Variants in ZNF385B observed in about 807,000 individuals in gnomAD.
ZNF385B encodes the protein zinc finger protein 385B.
ZNF385B carries 23 observed loss-of-function variants against 39.2 expected under a neutral mutation model. That is an observed-to-expected ratio of 0.59 (90% CI 0.42 to 0.83). The LOEUF (loss-of-function observed/expected upper bound fraction) is 0.83, where lower values mean the gene tolerates loss of function less well. Among genes scored for constraint, ZNF385B ranks in the 40% least tolerant of loss-of-function variants. The pLI, the probability that ZNF385B is intolerant of heterozygous loss-of-function variation, is 0.00. For missense variants in ZNF385B, 552 were observed against 598.9 expected (o/e 0.92, Z 0.82); for synonymous variants, 205 against 222.6 (o/e 0.92, Z 0.70).
At chr2:179,453,977 TA>T (rs2050417947) in intron 6 of ZNF385B, among the ~76,000 whole-genome samples, 1 of 152,170 alleles carries the variant, frequency 6.6e-6, no homozygotes, top group Non-Finnish European at 1.5e-5. Context: ...TTCCTCCTCT[TA>T]TCCCTAACAA....
chr2:179,784,623 C>T (rs1704879586), intron 1 of ZNF385B, among the ~76,000 whole-genome samples: 1 of 151,798 alleles, frequency 6.6e-6, no homozygotes, highest in South Asian at 2.1e-4. Context: ...GCAGAAAACC[C>T]AACAGAAAAA....
intron 3 of ZNF385B, among the ~76,000 whole-genome samples, chr2:179,690,146 G>A (rs1698244971): frequency 6.6e-6 from 1 of 152,016 alleles, no homozygotes; most frequent in Admixed American, 6.6e-5. Context: ...GATAGACCCA[G>A]GTAAGATGAT....
intron 3 of ZNF385B, among the ~76,000 whole-genome samples, chr2:179,688,497 A>AACAACAACAACAACG (rs1698099832): frequency 6.7e-6 from 1 of 149,952 alleles, no homozygotes; most frequent in African/African-American, 2.5e-5. Context: ...GCAAAACAAC[A>AACAACAACAACAACG]ACAACAACAA....
chr2:179,828,181 G>T (rs1268982916), intron 1 of ZNF385B, among the ~76,000 whole-genome samples: 2 of 152,064 alleles, frequency 1.3e-5, no homozygotes, highest in African/African-American at 4.8e-5. Flanking sequence ...CTTGTGTTTG[G>T]TGGAACATAG....
At chr2:179,749,915 AT>A (rs1473864034) in intron 3 of ZNF385B, among the ~76,000 whole-genome samples, 1 of 152,156 alleles carries the variant, frequency 6.6e-6, no homozygotes, top group African/African-American at 2.4e-5. Flanking sequence ...ATTCAGAAGC[AT>A]TCTTAAAGAA....
At chr2:179,755,754 C>A (rs940866280) in intron 3 of ZNF385B, among the ~76,000 whole-genome samples, 16 of 152,268 alleles carry the variant, frequency 1.1e-4, no homozygotes, top group Admixed American at 9.2e-4. Flanking sequence ...AGGATTGCAA[C>A]CCCTGCCTTT....
intron 6 of ZNF385B, among the ~76,000 whole-genome samples, chr2:179,459,751 T>C (rs1460991005): frequency 6.6e-6 from 1 of 150,818 alleles, no homozygotes; most frequent in East Asian, 1.9e-4. Flanking sequence ...ATGTAATAAA[T>C]ATCAAAGCAC....
At position 179,443,336 on chromosome 2, in the gene ZNF385B, C is replaced by G; in HGVS notation, c.1375G>C (p.Ala459Pro). 1 of 1,612,294 alleles carries G rather than the reference C, an allele frequency of 6.2e-7. No individual in the cohort carries two copies. The highest frequency in any genetic ancestry group is 8.5e-7 in the Non-Finnish European group (1 of 1,179,346). The change falls in exon 10 of 10, where the codon GCT becomes CCT. Residue 459 changes from alanine (A) to proline (P), a missense_variant. By Grantham distance (27) the Ala-to-Pro change is conservative. Coordinates refer to ENST00000410066, the MANE Select transcript of ZNF385B (RefSeq NM_152520.6). Reference protein sequence around the residue: ...PPRPSASLFQAPAIPPALLRP... With the variant: ...PPRPSASLFQPPAIPPALLRP... ...AGAAGAGCTGGAGGAATGGCTGGAG[C>G]CTGGAAGAGCGAGGCAGAGGGCCGG...
intron 3 of ZNF385B, among the ~76,000 whole-genome samples, chr2:179,763,760 T>A (rs554320434): frequency 9.9e-5 from 15 of 152,208 alleles, no homozygotes; most frequent in South Asian, 4.1e-4. Context: ...TTAAGAGATA[T>A]ATTGTTTAAT....
intron 1 of ZNF385B, among the ~76,000 whole-genome samples, chr2:179,777,769 G>GTTTTTTTTTTTTTTTTT (rs71029831): frequency 2.1e-5 from 3 of 143,712 alleles, no homozygotes; most frequent in Non-Finnish European, 4.5e-5. Flanking sequence ...ATATCAAGAG[G>GTTTTTTTTTTTTTTTTT]TTTTTTTTTT....
chr2:179,726,895 T>C (rs1461281167), intron 3 of ZNF385B, among the ~76,000 whole-genome samples: 14 of 152,120 alleles, frequency 9.2e-5, no homozygotes, highest in Non-Finnish European at 2.1e-4. Context: ...AGATGTTAAG[T>C]AGTGCAACTG....
intron 3 of ZNF385B, among the ~76,000 whole-genome samples, chr2:179,698,263 A>G (rs891562394): frequency 6.6e-6 from 1 of 152,232 alleles, no homozygotes; most frequent in African/African-American, 2.4e-5. Context: ...AGAAGGAAAC[A>G]TAGTTTGATA....
chr2:179,809,688 T>C (rs961777181), intron 1 of ZNF385B, among the ~76,000 whole-genome samples: 1 of 152,088 alleles, frequency 6.6e-6, no homozygotes, highest in East Asian at 1.9e-4. Context: ...AAAAACCTAA[T>C]GGGTCACGTG....
intron 3 of ZNF385B, among the ~76,000 whole-genome samples, chr2:179,762,793 A>G (rs1458854059): frequency 6.6e-6 from 1 of 152,218 alleles, no homozygotes; most frequent in Non-Finnish European, 1.5e-5. Context: ...TCCTTGGTAG[A>G]ATTCTCCACT....
Position 179,769,912 on chromosome 2 carries a change from C to T in ZNF385B, c.-2-110G>A, listed in dbSNP as rs1172054379. 1.1e-5 allele frequency: 12 copies of T among 1,046,772 alleles called. No homozygotes were observed. In the East Asian group the frequency reaches 2.5e-4, roughly 22 times the overall value. 64.8% of individuals were successfully genotyped at this position (1,046,772 alleles called of 1,614,324 possible). ...GTTTAAGCTAAAAGTTGCCCAGCTA[C>T]CCAGTGGTTACTACTAGAAAAAAAA... On this transcript the variant is annotated intron_variant, in intron 2 of 9. Coordinates refer to ENST00000410066, the MANE Select transcript of ZNF385B (RefSeq NM_152520.6).
At chr2:179,522,369 C>G (rs2058563937) in intron 4 of ZNF385B, among the ~76,000 whole-genome samples, 1 of 152,144 alleles carries the variant, frequency 6.6e-6, no homozygotes, top group Admixed American at 6.5e-5. Flanking sequence ...TACTAGTTCT[C>G]TGTAGTCATA....
At chr2:179,747,819 C>T (rs572062482) in intron 3 of ZNF385B, among the ~76,000 whole-genome samples, 3 of 151,978 alleles carry the variant, frequency 2.0e-5, no homozygotes, top group Non-Finnish European at 4.4e-5. Flanking sequence ...TATATAATGC[C>T]GCACTGGGGT....
At chr2:179,693,325 A>G (rs1326404235) in intron 3 of ZNF385B, among the ~76,000 whole-genome samples, 1 of 152,172 alleles carries the variant, frequency 6.6e-6, no homozygotes, top group Non-Finnish European at 1.5e-5. Flanking sequence ...ATCAGGTGGG[A>G]TGCTGAATGA....
chr2:179,818,036 C>G lies in ZNF385B; in HGVS notation c.-155+43065G>C, dbSNP rs201683959. ...AAGGGAGAAGACTGTGTGTGGCAGACTGAATGTGTGTGAATGTGTGTGTGT... is the reference window on the plus strand; with the variant it reads ...AAGGGAGAAGACTGTGTGTGGCAGAGTGAATGTGTGTGAATGTGTGTGTGT... On this transcript the variant is annotated intron_variant, in intron 1 of 9. Transcript: ENST00000410066. Among the ~76,000 whole-genome samples the G allele has an allele frequency of 2.6e-5, 4 of 151,636 alleles. No homozygotes were observed. The East Asian group carries it at 7.8e-4, about 29-fold the overall frequency.
Sources: gnomAD v4.1 joint callset for allele counts (sites outside exome capture counted in the v4.1 genomes callset) on GRCh38, gnomAD v4.1.1 for gene constraint, MANE v1.5 for transcripts, NCBI Gene and HGNC (gene_info 2026-07-23, HGNC 2026-07-21) for gene names.